The following KIF13A variants were observed in gnomAD, a reference collection of about 807,000 sequenced individuals.
KIF13A encodes the protein kinesin-like protein KIF13A.
KIF13A carries 79 observed loss-of-function variants against 212.2 expected under a neutral mutation model. The observed-to-expected ratio is 0.37, with a 90% CI of 0.31 to 0.45. The LOEUF is 0.45. Ranked by LOEUF, KIF13A falls within the 20% of genes least tolerant of loss-of-function variation. The pLI, the probability that KIF13A is intolerant of heterozygous loss-of-function variation, is 1.00. For missense variants in KIF13A, 1,901 were observed against 2,209.0 expected, an observed-to-expected ratio of 0.86 and a Z score of 2.79; for synonymous variants, 789 against 808.6, an observed-to-expected ratio of 0.98 and a Z score of 0.41.
At chr6:17,889,181 C>T (rs969627277) in intron 3 of KIF13A, among the ~76,000 whole-genome samples, 5 of 152,234 alleles carry the variant, frequency 3.3e-5, no homozygotes, top group African/African-American at 1.2e-4. Flanking sequence ...AATAAGGTTT[C>T]CCCCTTACTT....
chr6:17,796,041 A>C (rs909400532), intron 23 of KIF13A, among the ~76,000 whole-genome samples: 1 of 152,204 alleles, frequency 6.6e-6, no homozygotes, highest in Non-Finnish European at 1.5e-5. Context: ...TTGATAGGAC[A>C]TATCATTCCC....
At chr6:17,952,587 T>C (rs185356708) in intron 2 of KIF13A, among the ~76,000 whole-genome samples, 213 of 151,120 alleles carry the variant, frequency 1.4e-3, no homozygotes, top group Non-Finnish European at 2.0e-3. Context: ...CAGTGAGCTA[T>C]GACCACACCA....
intron 16 of KIF13A, among the ~76,000 whole-genome samples, chr6:17,821,342 A>G (rs950551181): frequency 1.3e-5 from 2 of 152,240 alleles, no homozygotes; most frequent in African/African-American, 4.8e-5. Context: ...AACTAAAAAA[A>G]TACATTAATC....
chr6:17,778,150 A>G lies in KIF13A; in HGVS notation c.4093-796T>C, dbSNP rs561925468. On this transcript the variant is annotated intron_variant, in intron 33 of 38. Coordinates refer to ENST00000259711, the MANE Select transcript of KIF13A (RefSeq NM_022113.6). ...AAGACTCTGTCTCAAAAATAAATAA[A>G]CAAATAAATAAATAAAACCAGGAAA... Among the ~76,000 whole-genome samples, 18 of 152,352 alleles carry G rather than the reference A, an allele frequency of 1.2e-4. 1 individual carries two copies. In the South Asian group the frequency reaches 2.1e-3, roughly 18 times the overall value.
At position 17,883,929 on chromosome 6, in the gene KIF13A, A is replaced by G. The variant is rs1373962703; in HGVS notation, c.160-10492T>C. 6.6e-6 allele frequency among the ~76,000 whole-genome samples: 1 copy of G among 152,170 alleles called. No individual in the cohort carries two copies. The highest frequency in any genetic ancestry group is 1.5e-5 in the Non-Finnish European group (1 of 68,040). On this transcript the variant is annotated intron_variant, in intron 3 of 38. Transcript: ENST00000259711. The surrounding 1 kb of genome is among the most constrained non-coding windows in gnomAD (Gnocchi z 4.8). Reference sequence around the variant, plus strand: ...GACAACCTAGTGAGATCCCATTGCTAAAAGGAAATAATAATATTAACAAAA... The same window carrying G: ...GACAACCTAGTGAGATCCCATTGCTGAAAGGAAATAATAATATTAACAAAA...
chr6:17,948,304 A>G (rs75126956), intron 2 of KIF13A, among the ~76,000 whole-genome samples: 10,278 of 152,228 alleles, frequency 0.068, 397 homozygotes, highest in Middle Eastern at 0.092. Flanking sequence ...GTGGTTTTAC[A>G]TGGCACCAAA....
intron 2 of KIF13A, among the ~76,000 whole-genome samples, chr6:17,902,506 A>C (rs1468531844): frequency 6.6e-6 from 1 of 152,144 alleles, no homozygotes; most frequent in Non-Finnish European, 1.5e-5. Flanking sequence ...TTCCAGGACA[A>C]GCAGTTTGAT....
At chr6:17,797,637 T>C (rs1344277002) in intron 22 of KIF13A, among the ~76,000 whole-genome samples, 1 of 127,274 alleles carries the variant, frequency 7.9e-6, no homozygotes, top group Non-Finnish European at 1.9e-5. Flanking sequence ...GACTCACGTC[T>C]GTAATGCCAG....
At chr6:17,792,411 T>C (rs1465933900) in intron 25 of KIF13A, among the ~76,000 whole-genome samples, 2 of 152,024 alleles carry the variant, frequency 1.3e-5, no homozygotes, top group African/African-American at 2.4e-5. Flanking sequence ...CTTCATCAGT[T>C]TGGAGAAAAG....
intron 2 of KIF13A, among the ~76,000 whole-genome samples, chr6:17,941,302 G>C (rs541908350): frequency 3.3e-5 from 5 of 152,096 alleles, no homozygotes; most frequent in Non-Finnish European, 7.4e-5. Flanking sequence ...GTAAAGTCAA[G>C]GTTTTTCAAA....
chr6:17,796,366 T>A (rs764725437), intron 23 of KIF13A, among the ~76,000 whole-genome samples: 2 of 150,906 alleles, frequency 1.3e-5, no homozygotes, highest in Non-Finnish European at 3.0e-5. Flanking sequence ...TGCCTCAGCC[T>A]CCTGAGTAGC....
At chr6:17,851,659 G>A (rs1027013526) in intron 7 of KIF13A, among the ~76,000 whole-genome samples, 1 of 152,224 alleles carries the variant, frequency 6.6e-6, no homozygotes, top group Non-Finnish European at 1.5e-5. Flanking sequence ...TGTCTAGAAG[G>A]ATGTCACTGG....
intron 2 of KIF13A, among the ~76,000 whole-genome samples, chr6:17,952,336 A>G (rs1389450175): frequency 6.7e-6 from 1 of 150,368 alleles, no homozygotes; most frequent in Non-Finnish European, 1.5e-5. Context: ...TATAATTTAT[A>G]TTAAGAAAAT....
chr6:17,763,635 G>A (rs1020921006), downstream of KIF13A: 2 of 179,016 alleles, frequency 1.1e-5, no homozygotes, highest in Non-Finnish European at 2.2e-5. Context: ...CCAATTCTAT[G>A]ATATATATGT....
At chr6:17,763,283 G>C (rs1758669596), downstream of KIF13A, among the ~76,000 whole-genome samples, 2 of 152,060 alleles carry the variant, frequency 1.3e-5, no homozygotes, top group African/African-American at 4.8e-5. Flanking sequence ...TCAGAAGTTT[G>C]AGACCAGCCT....
rs750323453 is a variant in KIF13A, at chr6:17,850,488, A to G, written c.583-31T>C. On this transcript the variant is annotated intron_variant, in intron 7 of 38. Coordinates refer to ENST00000259711, the MANE Select transcript of KIF13A (RefSeq NM_022113.6). The surrounding 1 kb of genome is among the most constrained non-coding windows in gnomAD (Gnocchi z 6.2). ...GGCAAAGCATAAGGAAAAGACCATA[A>G]GCAAAAACACAAGAATGTAGTCCTG... The G allele has an allele frequency of 1.0e-5, 16 of 1,590,816 alleles. No individual in the cohort carries two copies. Among genetic ancestry groups the G allele is most frequent in the Non-Finnish European group, 1.3e-5 (15 of 1,167,964 alleles).
chr6:17,863,276 T>C (rs1487273947), intron 4 of KIF13A, among the ~76,000 whole-genome samples: 1 of 152,012 alleles, frequency 6.6e-6, no homozygotes, highest in Non-Finnish European at 1.5e-5. Flanking sequence ...GGGGTGTGTG[T>C]TTGTGTGTGC....
At chr6:17,923,989 G>A (rs1337750813) in intron 2 of KIF13A, among the ~76,000 whole-genome samples, 1 of 151,888 alleles carries the variant, frequency 6.6e-6, no homozygotes, top group Non-Finnish European at 1.5e-5. Flanking sequence ...TTCAATATCC[G>A]ACACATGGAA....
At chr6:17,852,924 T>C (rs1767797131) in intron 6 of KIF13A, among the ~76,000 whole-genome samples, 1 of 152,242 alleles carries the variant, frequency 6.6e-6, no homozygotes, top group South Asian at 2.1e-4. Context: ...AATTTTTAAA[T>C]GATAAACCTG....
Sources: allele counts gnomAD v4.1 joint callset (sites outside exome capture counted in the v4.1 genomes callset), GRCh38; gene constraint gnomAD v4.1.1; non-coding constraint Gnocchi (gnomAD v3.1); transcripts MANE v1.5; gene names NCBI Gene and HGNC (gene_info 2026-07-23, HGNC 2026-07-21).